The following NTM variants were observed in gnomAD, a reference collection of about 807,000 sequenced individuals.
NTM encodes IgLON family member 2.
A neutral mutation model predicts 42.1 loss-of-function variants in NTM; 13 were observed. The observed-to-expected ratio is 0.31, with a 90% CI of 0.20 to 0.49. The LOEUF is 0.49. NTM is among the 20% of genes least tolerant of loss of function. NTM has a pLI of 0.99. For synonymous variants in NTM, 187 were observed against 179.2 expected (o/e 1.04, Z -0.35); for missense variants, 373 against 452.8 (o/e 0.82, Z 1.60).
chr11:131,767,742 G>A (rs762234530), intron 1 of NTM, among the ~76,000 whole-genome samples: 3 of 152,182 alleles, frequency 2.0e-5, no homozygotes, highest in Non-Finnish European at 4.4e-5. Context: ...CTTCTTTTAA[G>A]CCCCTCAGCC....
chr11:131,647,537 A>G (rs2065919483), intron 1 of NTM, among the ~76,000 whole-genome samples: 1 of 152,172 alleles, frequency 6.6e-6, no homozygotes, highest in African/African-American at 2.4e-5. Context: ...CTGACATACA[A>G]TCAGCTGCAC....
At chr11:131,869,122 C>T (rs1417736683) in intron 1 of NTM, among the ~76,000 whole-genome samples, 2 of 152,094 alleles carry the variant, frequency 1.3e-5, no homozygotes, top group Non-Finnish European at 2.9e-5. Flanking sequence ...CTTCAGTATC[C>T]TCAACTCTCA....
At chr11:131,708,044 T>G (rs1016135906) in intron 1 of NTM, among the ~76,000 whole-genome samples, 1 of 152,142 alleles carries the variant, frequency 6.6e-6, no homozygotes, top group African/African-American at 2.4e-5. Context: ...AAAAAGCTGG[T>G]AAGACTAATA....
At chr11:132,223,570 C>T (rs916246412) in intron 4 of NTM, among the ~76,000 whole-genome samples, 3 of 152,150 alleles carry the variant, frequency 2.0e-5, no homozygotes, top group Non-Finnish European at 4.4e-5. Flanking sequence ...TCCCTGTCTG[C>T]ACTAGACTCT....
intron 1 of NTM, among the ~76,000 whole-genome samples, chr11:131,382,423 G>GA (rs1248773473): frequency 6.6e-6 from 1 of 151,996 alleles, no homozygotes; most frequent in Non-Finnish European, 1.5e-5. Context: ...CTGATAGGGG[G>GA]AACTCAGGTT....
At chr11:131,400,451 G>A (rs1945011813) in intron 1 of NTM, among the ~76,000 whole-genome samples, 1 of 152,124 alleles carries the variant, frequency 6.6e-6, no homozygotes, top group Non-Finnish European at 1.5e-5. Flanking sequence ...TCAAAAGCAT[G>A]GGATTGAGAA....
chr11:131,621,811 G>T (rs1434506941), intron 1 of NTM, among the ~76,000 whole-genome samples: 2 of 117,216 alleles, frequency 1.7e-5, no homozygotes, highest in African/African-American at 7.1e-5. Flanking sequence ...AACAGAGCAA[G>T]ACCTCAACTC....
chr11:131,948,456 T>G (rs2060616431), intron 2 of NTM, among the ~76,000 whole-genome samples: 1 of 152,148 alleles, frequency 6.6e-6, no homozygotes, highest in Admixed American at 6.5e-5. Flanking sequence ...CTGCCAACAC[T>G]TAGCCCTTCT....
intron 1 of NTM, among the ~76,000 whole-genome samples, chr11:131,881,666 G>T (rs1481086558): frequency 6.6e-6 from 1 of 152,176 alleles, no homozygotes; most frequent in Non-Finnish European, 1.5e-5. Context: ...TTAGAAGAGA[G>T]AAAGATATCC....
At chr11:132,036,644 A>G (rs867252447) in intron 2 of NTM, among the ~76,000 whole-genome samples, 1 of 152,184 alleles carries the variant, frequency 6.6e-6, no homozygotes, top group African/African-American at 2.4e-5. Context: ...AACTCATTTC[A>G]GTGAATTCCT....
intron 1 of NTM, among the ~76,000 whole-genome samples, chr11:131,886,883 T>C (rs533884522): frequency 7.9e-5 from 12 of 152,322 alleles, no homozygotes; most frequent in African/African-American, 2.9e-4. Flanking sequence ...CTCTCATTGA[T>C]AGAGTGCCTA....
chr11:132,236,640 G>A (rs1365790861), intron 4 of NTM, among the ~76,000 whole-genome samples: 1 of 152,180 alleles, frequency 6.6e-6, no homozygotes, highest in East Asian at 1.9e-4. Flanking sequence ...CAATGAAAAG[G>A]TTTTGAATCA....
At chr11:131,382,139 C>T (rs758842882) in intron 1 of NTM, among the ~76,000 whole-genome samples, 9 of 152,050 alleles carry the variant, frequency 5.9e-5, no homozygotes, top group Non-Finnish European at 1.0e-4. Flanking sequence ...TCATATACTG[C>T]GGTTCAGGCC....
intron 1 of NTM, among the ~76,000 whole-genome samples, chr11:131,728,617 C>T (rs1015043168): frequency 6.6e-6 from 1 of 152,166 alleles, no homozygotes; most frequent in Non-Finnish European, 1.5e-5. Flanking sequence ...GAACACTAAG[C>T]ATGTGGGGGT....
At chr11:131,559,885 G>A (rs2055998167) in intron 1 of NTM, among the ~76,000 whole-genome samples, 1 of 152,136 alleles carries the variant, frequency 6.6e-6, no homozygotes, top group Non-Finnish European at 1.5e-5. Context: ...TCATCCCATT[G>A]CCCACCTAAC....
At chr11:131,462,691 CCAA>C (rs1339279286) in intron 1 of NTM, among the ~76,000 whole-genome samples, 1 of 152,166 alleles carries the variant, frequency 6.6e-6, no homozygotes, top group Non-Finnish European at 1.5e-5. Flanking sequence ...CTGGCAAACT[CCAA>C]CATGTCCTGC....
chr11:132,333,448 G>A (rs2095838026), intron 8 of NTM, among the ~76,000 whole-genome samples: 1 of 152,182 alleles, frequency 6.6e-6, no homozygotes, highest in Non-Finnish European at 1.5e-5. Context: ...GGGAACGTCT[G>A]GTGATGGTTT....
intron 1 of NTM, chr11:131,767,236 T>C (rs1350115113): frequency 2.3e-6 from 1 of 435,108 alleles, no homozygotes; most frequent in East Asian, 1.6e-4. Flanking sequence ...TCTTACCTCA[T>C]AGGATTGTTG....
chr11:132,180,326 A>C (rs1055885317), intron 3 of NTM, among the ~76,000 whole-genome samples: 2 of 152,228 alleles, frequency 1.3e-5, no homozygotes, highest in Non-Finnish European at 2.9e-5. Flanking sequence ...GTTAAGTCTA[A>C]CATGACTTTC....
Sources: allele counts gnomAD v4.1 joint callset (sites outside exome capture counted in the v4.1 genomes callset), GRCh38; gene constraint gnomAD v4.1.1; transcripts MANE v1.5; gene names NCBI Gene and HGNC (gene_info 2026-07-23, HGNC 2026-07-21).